ALPK1: variants seen among roughly 807,000 people sequenced by gnomAD.
The protein encoded by ALPK1 is alpha-protein kinase 1.
ALPK1 carries 110 observed loss-of-function variants against 120.6 expected under a neutral mutation model. The ratio of observed to expected loss-of-function variants is 0.91; its 90% CI spans 0.78 to 1.07. The LOEUF is 1.07. Ranked by LOEUF, ALPK1 falls within the 50% of genes least tolerant of loss-of-function variation. The pLI, the probability that ALPK1 is intolerant of heterozygous loss-of-function variation, is 0.00. For synonymous variants in ALPK1, 582 were observed against 560.3 expected (o/e 1.04, Z -0.55); for missense variants, 1,498 against 1,483.9 (o/e 1.01, Z -0.16).
Position 112,391,394 on chromosome 4 carries a change from G to A in ALPK1, c.276+8842G>A, listed in dbSNP as rs565650540. 3.9e-5 allele frequency among the ~76,000 whole-genome samples: 6 copies of A among 152,274 alleles called. No homozygotes were observed. In the South Asian group the frequency reaches 1.0e-3, roughly 26 times the overall value. The stretch of plus-strand genomic sequence containing the variant: ...TGCCAAAACAATTTTGTCATTAAAG[G>A]CAATTAAATTTTAGCATTATCACAG... On this transcript the variant is annotated intron_variant, in intron 4 of 15. Coordinates refer to ENST00000650871, the MANE Select transcript of ALPK1 (RefSeq NM_025144.4).
chr4:112,387,755 T>G (rs1732217980), intron 4 of ALPK1, among the ~76,000 whole-genome samples: 1 of 152,214 alleles, frequency 6.6e-6, no homozygotes, highest in African/African-American at 2.4e-5. Flanking sequence ...TGAATAAAGT[T>G]TGATCAATTT....
At chr4:112,356,342 T>G in intron 2 of ALPK1, 1 of 877,154 alleles carries the variant, frequency 1.1e-6, no homozygotes, top group Non-Finnish European at 2.0e-6. Flanking sequence ...TGCCTGCAAT[T>G]TTGCCGATAG....
intron 4 of ALPK1, 43 bp downstream of exon 4, chr4:112,382,595 G>A: frequency 6.2e-7 from 1 of 1,613,840 alleles, no homozygotes; most frequent in Non-Finnish European, 8.5e-7. Context: ...ATCCCCAAGT[G>A]AGGCATTTAG....
chr4:112,316,682 G>T (rs577163525), intron 2 of ALPK1, among the ~76,000 whole-genome samples: 2 of 152,270 alleles, frequency 1.3e-5, no homozygotes, highest in South Asian at 4.1e-4. Context: ...GTGTGAGGTA[G>T]TGTCTCATTG....
At chr4:112,398,518 C>T (rs1360094695) in intron 4 of ALPK1, among the ~76,000 whole-genome samples, 1 of 152,152 alleles carries the variant, frequency 6.6e-6, no homozygotes, top group African/African-American at 2.4e-5. Flanking sequence ...AGGCTTCTTT[C>T]AAGCTCCTGG....
chr4:112,326,572 T>C (rs1729129180), intron 2 of ALPK1, among the ~76,000 whole-genome samples: 1 of 152,198 alleles, frequency 6.6e-6, no homozygotes, highest in African/African-American at 2.4e-5. Flanking sequence ...CAGCTTTCCA[T>C]TTCCTTGTTC....
At chr4:112,423,047 C>T (rs11733852) in intron 5 of ALPK1, among the ~76,000 whole-genome samples, 19,608 of 152,184 alleles carry the variant, frequency 0.13, 1,332 homozygotes, top group Admixed American at 0.14. Context: ...TCATTGCAAA[C>T]GAGCGTGAAG....
chr4:112,377,278 ACTAGTGT>A (rs1731708492), intron 2 of ALPK1, among the ~76,000 whole-genome samples: 1 of 152,224 alleles, frequency 6.6e-6, no homozygotes, highest in Non-Finnish European at 1.5e-5. Context: ...ATTACCGTGT[ACTAGTGT>A]CTAATATTAG....
chr4:112,348,119 C>T (rs909357114), intron 2 of ALPK1, among the ~76,000 whole-genome samples: 4 of 152,166 alleles, frequency 2.6e-5, no homozygotes, highest in African/African-American at 9.7e-5. Context: ...AGCACATTTG[C>T]TCTGCAACTT....
chr4:112,435,282 CAAG>C lies in ALPK1; in HGVS notation c.3175_3177del (p.Glu1059del). The C allele has an allele frequency of 6.2e-7, 1 of 1,610,186 alleles. No homozygotes were observed. Among genetic ancestry groups the C allele is most frequent in the Non-Finnish European group, 8.5e-7 (1 of 1,179,064 alleles). On this transcript the variant is annotated inframe_deletion, in exon 12 of 16. Coordinates refer to ENST00000650871, the MANE Select transcript of ALPK1 (RefSeq NM_025144.4). ...TGCTTTTTGGGTTCATCATCTTCAT[CAAG>C]AAGAAATTCTGGGGAGGTATTACTT...
At chr4:112,384,429 A>T (rs952559123) in intron 4 of ALPK1, 1 of 152,252 alleles carries the variant, frequency 6.6e-6, no homozygotes, top group Non-Finnish European at 1.5e-5. Context: ...GGGACCGAAG[A>T]ACTGAATTTT....
chr4:112,339,870 G>A (rs893061350), intron 2 of ALPK1, among the ~76,000 whole-genome samples: 2 of 152,212 alleles, frequency 1.3e-5, no homozygotes, highest in African/African-American at 4.8e-5. Flanking sequence ...GTTAGCACTT[G>A]ATCCTAATCA....
In ALPK1 at chr4:112,439,673, T is replaced by C. The variant is rs1329279471; in HGVS notation, c.3352-13T>C. On this transcript the variant is annotated splice_polypyrimidine_tract_variant and intron_variant, in intron 13 of 15. Coordinates refer to ENST00000650871, the MANE Select transcript of ALPK1 (RefSeq NM_025144.4). ...ACCATTATGCTGTAATGTTTCTCAT[T>C]GCTATTTTTCAGATTTTAGAGGACA... 1 of 1,591,960 alleles carries C rather than the reference T, an allele frequency of 6.3e-7. No homozygotes were observed. Among genetic ancestry groups the C allele is most frequent in the Non-Finnish European group, 8.5e-7 (1 of 1,169,866 alleles).
At chr4:112,347,805 C>T (rs1276863883) in intron 2 of ALPK1, among the ~76,000 whole-genome samples, 4 of 152,166 alleles carry the variant, frequency 2.6e-5, no homozygotes, top group Non-Finnish European at 5.9e-5. Context: ...AAGGAAAGAG[C>T]AGGAAGCAAG....
In ALPK1 at chr4:112,399,841, G is replaced by A. The variant is rs1166303660; in HGVS notation, c.277-11986G>A. Among the ~76,000 whole-genome samples, 7 of 152,168 alleles carry A rather than the reference G, an allele frequency of 4.6e-5. No homozygotes were observed. The East Asian group carries it at 1.4e-3, about 29-fold the overall frequency. ...TCAACTCCCACTTATGAGTGAGAAC[G>A]TGCAGTGTTTGGTTTTCTGTTTCTG... On this transcript the variant is annotated intron_variant, in intron 4 of 15. Transcript: ENST00000650871.
At position 112,440,872 on chromosome 4, in the gene ALPK1, A is replaced by G. The variant is rs371433600; in HGVS notation, c.3539-45A>G. 3 of 1,556,416 alleles carry G rather than the reference A, an allele frequency of 1.9e-6. No individual in the cohort carries two copies. The African/African-American group carries it at 4.1e-5, about 21-fold the overall frequency. On this transcript the variant is annotated intron_variant, in intron 14 of 15. Transcript: ENST00000650871. ...GTATTTTTGTAAACACTTGATGGAC[A>G]TTTACAGGGAATTTAATACTCAGGT...
intron 2 of ALPK1, 190 bp downstream of exon 2, chr4:112,316,042 A>G (rs993301725): frequency 6.6e-6 from 1 of 152,252 alleles, no homozygotes; most frequent in Non-Finnish European, 1.5e-5. Flanking sequence ...TAAAATACAC[A>G]TAATATAAAA....
chr4:112,355,357 C>G (rs1193907568), intron 2 of ALPK1, among the ~76,000 whole-genome samples: 1 of 152,136 alleles, frequency 6.6e-6, no homozygotes, highest in South Asian at 2.1e-4. Context: ...CTCAGGGAGG[C>G]CCACCCGGGC....
chr4:112,430,041 C>A (rs528878172), intron 10 of ALPK1, among the ~76,000 whole-genome samples: 2 of 152,052 alleles, frequency 1.3e-5, no homozygotes, highest in Non-Finnish European at 1.5e-5. Flanking sequence ...CCTATTGTTT[C>A]GACATTAAAT....
Sources: gnomAD v4.1 joint callset for allele counts (sites outside exome capture counted in the v4.1 genomes callset) on GRCh38, gnomAD v4.1.1 for gene constraint, MANE v1.5 for transcripts, NCBI Gene and HGNC (gene_info 2026-07-23, HGNC 2026-07-21) for gene names.